The following ZNF644 variants were observed in gnomAD, a reference collection of about 807,000 sequenced individuals.
ZNF644 encodes the protein zinc finger motif enhancer binding protein 2.
In ZNF644, 20 loss-of-function variants were observed where a neutral mutation model predicts 108.0. The ratio of observed to expected loss-of-function variants is 0.19; its 90% CI spans 0.13 to 0.27. The LOEUF is 0.27. Among genes scored for constraint, ZNF644 ranks in the 10% least tolerant of loss-of-function variants. ZNF644 has a pLI of 1.00. For synonymous variants in ZNF644, 542 were observed against 539.1 expected, an observed-to-expected ratio of 1.01 and a Z score of -0.08; for missense variants, 1,338 against 1,548.9, an observed-to-expected ratio of 0.86 and a Z score of 2.29.
At chr1:90,996,222 A>G (rs901223276) in intron 1 of ZNF644, among the ~76,000 whole-genome samples, 10 of 152,254 alleles carry the variant, frequency 6.6e-5, no homozygotes, top group African/African-American at 2.2e-4. Flanking sequence ...CATATCTAAA[A>G]TAATTTAAAA....
chr1:91,003,895 G>C (rs1384884516), intron 1 of ZNF644, among the ~76,000 whole-genome samples: 2 of 151,860 alleles, frequency 1.3e-5, no homozygotes, highest in African/African-American at 4.8e-5. Context: ...ATCAATAAAA[G>C]ATAAAAAATT....
intron 2 of ZNF644, among the ~76,000 whole-genome samples, chr1:90,972,256 A>C (rs1004876008): frequency 1.3e-5 from 2 of 152,244 alleles, no homozygotes; most frequent in African/African-American, 2.4e-5. Flanking sequence ...ACAAGGGATT[A>C]ATATCTAGAA....
Position 90,939,647 on chromosome 1 carries a change from C to T in ZNF644, c.1707G>A (p.Lys569=), listed in dbSNP as rs770834854. The change falls in exon 3 of 6, where the codon AAG becomes AAA. Residue 569 remains lysine (K), a synonymous_variant. Coordinates refer to ENST00000337393, the MANE Select transcript of ZNF644 (RefSeq NM_201269.3). ...CTACTACAGAGTCTTTCATGAAAGTCTTTTTTTGTGTTTTTCTCTGGGCAA... is the reference window on the plus strand; with the variant it reads ...CTACTACAGAGTCTTTCATGAAAGTTTTTTTTTGTGTTTTTCTCTGGGCAA... ...SDIAQRKTQK[K]TFMKDSVVGS... 18 of 1,613,890 alleles carry T rather than the reference C, an allele frequency of 1.1e-5. No individual in the cohort carries two copies. The South Asian group carries it at 1.8e-4, about 16-fold the overall frequency.
intron 2 of ZNF644, among the ~76,000 whole-genome samples, chr1:90,968,061 A>G (rs1655109560): frequency 4.0e-5 from 1 of 24,712 alleles, no homozygotes; most frequent in Non-Finnish European, 1.5e-4. Flanking sequence ...ACTCCGTCTC[A>G]AAAAAAAAAA....
chr1:90,920,372 AGG>A (rs1649297788), intron 4 of ZNF644, among the ~76,000 whole-genome samples: 2 of 152,084 alleles, frequency 1.3e-5, no homozygotes, highest in South Asian at 4.1e-4. Flanking sequence ...TGTTAATGTT[AGG>A]GGTGTAAAGC....
intron 2 of ZNF644, among the ~76,000 whole-genome samples, chr1:90,970,520 T>C (rs1655343958): frequency 6.6e-6 from 1 of 152,226 alleles, no homozygotes; most frequent in Non-Finnish European, 1.5e-5. Flanking sequence ...TTTTAAATAT[T>C]GCTGTACTTG....
intron 1 of ZNF644, among the ~76,000 whole-genome samples, chr1:90,993,649 G>A (rs28374858): frequency 6.6e-6 from 1 of 152,042 alleles, no homozygotes; most frequent in Non-Finnish European, 1.5e-5. Context: ...GACAAGGGGG[G>A]AAAAAGGAAC....
intron 1 of ZNF644, among the ~76,000 whole-genome samples, chr1:90,985,524 T>C (rs538937905): frequency 2.8e-4 from 42 of 152,188 alleles, no homozygotes; most frequent in Non-Finnish European, 5.1e-4. Flanking sequence ...GTTCAACTTT[T>C]TTAGATTCTA....
In ZNF644 at chr1:90,939,720, C is replaced by T. The variant is rs965965944; in HGVS notation, c.1634G>A (p.Gly545Asp). 3 of 1,613,850 alleles carry T rather than the reference C, an allele frequency of 1.9e-6. No homozygotes were observed. The highest frequency in any genetic ancestry group is 1.7e-6 in the Non-Finnish European group (2 of 1,179,946). Residue 545 changes from glycine (G) to aspartate (D), a missense_variant, in exon 3 of 6, where the codon GGC becomes GAC. Around this residue, in one of 6 missense-constraint regions of ZNF644, gnomAD observed 80 missense variants for 183.0 expected, o/e 0.44. Transcript: ENST00000337393. Reference sequence around the variant, plus strand: ...TTTTACCACTGCCCCATGTGCAATGCCTCGATGGCATTCCAATTCATTTTC... The same window carrying T: ...TTTTACCACTGCCCCATGTGCAATGTCTCGATGGCATTCCAATTCATTTTC... ...VTENELECHR[G>D]IAHGAVVKCP... is the part of the protein sequence containing the mutation.
chr1:90,993,649 GA>G (rs1657857786), intron 1 of ZNF644, among the ~76,000 whole-genome samples: 1 of 152,042 alleles, frequency 6.6e-6, no homozygotes, highest in Non-Finnish European at 1.5e-5. Context: ...GACAAGGGGG[GA>G]AAAAGGAACA....
chr1:90,923,148 C>T (rs1362127338), intron 4 of ZNF644, among the ~76,000 whole-genome samples: 1 of 152,146 alleles, frequency 6.6e-6, no homozygotes, highest in Non-Finnish European at 1.5e-5. Context: ...CCAACTTACA[C>T]AGTCACATAG....
intron 4 of ZNF644, chr1:90,935,599 T>C: frequency 1.0e-6 from 1 of 964,662 alleles, no homozygotes; most frequent in Non-Finnish European, 1.2e-6. Context: ...GCTTAAAGAG[T>C]GTAGAAAAGC....
At position 90,915,695 on chromosome 1, in the gene ZNF644, G is replaced by A. The variant is rs1648693243; in HGVS notation, c.*1103C>T. 1 of 152,576 alleles carries A rather than the reference G, an allele frequency of 6.6e-6. No homozygotes were observed. The allele number at this position is 152,576 out of a possible 1,614,324, so 9.5% of individuals were successfully genotyped here. On this transcript the variant is annotated 3_prime_UTR_variant, in exon 6 of 6. Coordinates refer to ENST00000337393, the MANE Select transcript of ZNF644 (RefSeq NM_201269.3). ...ATTCTGTTATGTCGGTTCTTAGCAT[G>A]AGCATAGTGTTACACGATTTTCGTA...
intron 1 of ZNF644, among the ~76,000 whole-genome samples, chr1:91,016,094 T>C (rs945626620): frequency 6.6e-6 from 1 of 152,162 alleles, no homozygotes; most frequent in Non-Finnish European, 1.5e-5. Context: ...ATAATTACAA[T>C]TGCAATTGTG....
At chr1:90,918,999 A>C (rs2100769242) in intron 4 of ZNF644, among the ~76,000 whole-genome samples, 1 of 152,244 alleles carries the variant, frequency 6.6e-6, no homozygotes, top group Admixed American at 6.5e-5. Context: ...AAATTAAAAT[A>C]GACCAAAATT....
chr1:91,009,056 C>T (rs898947978), intron 1 of ZNF644, among the ~76,000 whole-genome samples: 6 of 152,104 alleles, frequency 3.9e-5, no homozygotes, highest in Non-Finnish European at 7.4e-5. Flanking sequence ...CAACAAAGTG[C>T]GACCCCATCT....
chr1:90,957,648 G>A (rs144629982), intron 2 of ZNF644, among the ~76,000 whole-genome samples: 1 of 152,040 alleles, frequency 6.6e-6, no homozygotes, highest in Non-Finnish European at 1.5e-5. Context: ...ATGACAAAGA[G>A]CATAAAAACC....
At chr1:90,964,369 C>G (rs549667903) in intron 2 of ZNF644, among the ~76,000 whole-genome samples, 137 of 152,098 alleles carry the variant, frequency 9.0e-4, no homozygotes, top group African/African-American at 2.9e-3. Flanking sequence ...GGGATTAAGA[C>G]AGAATGATAA....
chr1:91,005,869 T>A, intron 1 of ZNF644, among the ~76,000 whole-genome samples: 1 of 147,536 alleles, frequency 6.8e-6, no homozygotes, highest in South Asian at 2.1e-4. Context: ...AAAGACAAAC[T>A]AAACTCAAAG....
Sources: allele counts gnomAD v4.1 joint callset (sites outside exome capture counted in the v4.1 genomes callset), GRCh38; gene constraint gnomAD v4.1.1; regional missense constraint gnomAD v4.1.1; transcripts MANE v1.5; gene names NCBI Gene and HGNC (gene_info 2026-07-23, HGNC 2026-07-21).